Variants in KRTAP12-1 observed in about 807,000 individuals in gnomAD.
KRTAP12-1 encodes keratin associated protein 12-1, also known as keratin-associated protein 12-1.
For missense variants in KRTAP12-1, 109 were observed against 127.2 expected (o/e 0.86, Z 0.69); for synonymous variants, 56 against 58.8 (o/e 0.95, Z 0.22).
rs1986634888 is a variant in KRTAP12-1, at chr21:44,682,150, G to A, written c.-27C>T. ...GTGGCGTGTGGCTGGATAAGGTCGA[G>A]GCAGAGGGCAGTGATGTCTGGGGAT... On this transcript the variant is annotated 5_prime_UTR_variant, in exon 1 of 1. Coordinates refer to ENST00000391617, the MANE Select transcript of KRTAP12-1 (RefSeq NM_181686.2). 2 of 1,608,076 alleles carry A rather than the reference G, an allele frequency of 1.2e-6. No individual in the cohort carries two copies. Among genetic ancestry groups the A allele is most frequent in the African/African-American group, 1.3e-5 (1 of 74,906 alleles).
rs1490434722 is a variant in KRTAP12-1 at position 44,681,584 on chromosome 21, G to A, written c.*249C>T. The A allele has an allele frequency of 1.0e-5, 5 of 487,522 alleles. No homozygotes were observed. The South Asian group carries it at 2.5e-4, about 24-fold the overall frequency. The allele number at this position is 487,522 out of a possible 1,614,324, so 30.2% of individuals were successfully genotyped here. On this transcript the variant is annotated 3_prime_UTR_variant, in exon 1 of 1. Transcript: ENST00000391617. ...AGACAAGAAACGCAGAGTTGCATGG[G>A]GAAAGCTGGTTTATTTGACTCTCAT...
Position 44,681,673 on chromosome 21 carries a change from C to T in KRTAP12-1, c.*160G>A. 1.0e-6 allele frequency: 1 copy of T among 1,004,520 alleles called. No homozygotes were observed. The allele number at this position is 1,004,520 out of a possible 1,614,324, so 62.2% of individuals were successfully genotyped here. A position where few individuals can be genotyped will look rare whatever the true frequency, so the allele number is the denominator to read the frequency against. On this transcript the variant is annotated 3_prime_UTR_variant, in exon 1 of 1. Transcript: ENST00000391617. ...GGGGGATAGGCAAGTTCAGCCAGGG[C>T]TCCAGATCATTCTATTATATTCTCG... is the stretch of plus-strand genomic sequence containing the variant.
chr21:44,681,609 T>C lies in KRTAP12-1; in HGVS notation c.*224A>G, dbSNP rs1309998522. On this transcript the variant is annotated 3_prime_UTR_variant, in exon 1 of 1. Transcript: ENST00000391617. ...GGAAAGCTGGTTTATTTGACTCTCA[T>C]GGGGTCAGAGAATGACTCTGGGACC... The C allele has an allele frequency of 3.2e-5, 17 of 530,208 alleles. No homozygotes were observed. Among genetic ancestry groups the C allele is most frequent in the African/African-American group, 3.0e-4 (16 of 52,978 alleles). The allele number at this position is 530,208 out of a possible 1,614,324, so 32.8% of individuals were successfully genotyped here. A position where few individuals can be genotyped will look rare whatever the true frequency, so the allele number is the denominator to read the frequency against.
chr21:44,682,135 G>A lies in KRTAP12-1; in HGVS notation c.-12C>T. ...CTGGTGTGGCACATGGTGGCGTGTG[G>A]CTGGATAAGGTCGAGGCAGAGGGCA... On this transcript the variant is annotated 5_prime_UTR_variant, in exon 1 of 1. Coordinates refer to ENST00000391617, the MANE Select transcript of KRTAP12-1 (RefSeq NM_181686.2). The A allele has an allele frequency of 6.2e-7, 1 of 1,612,740 alleles. No homozygotes were observed. Among genetic ancestry groups the A allele is most frequent in the Non-Finnish European group, 8.5e-7 (1 of 1,179,132 alleles).
rs782349053 is a variant in KRTAP12-1 at position 44,681,824 on chromosome 21, G to A, written c.*9C>T. 2.0e-5 allele frequency: 32 copies of A among 1,603,092 alleles called. No individual in the cohort carries two copies. Among genetic ancestry groups the A allele is most frequent in the Admixed American group, 3.3e-5 (2 of 59,706 alleles). ...CTGCACTGGGAGCAGCGGGTCTGGA[G>A]ATTCATGCTCAGCAGCAGGAAGGGG... is the stretch of plus-strand genomic sequence containing the variant. On this transcript the variant is annotated 3_prime_UTR_variant, in exon 1 of 1. Coordinates refer to ENST00000391617, the MANE Select transcript of KRTAP12-1 (RefSeq NM_181686.2).
Position 44,682,059 on chromosome 21 carries a change from G to T in KRTAP12-1, c.65C>A (p.Ala22Glu). 1 of 1,614,082 alleles carries T rather than the reference G, an allele frequency of 6.2e-7. No homozygotes were observed. Among genetic ancestry groups the T allele is most frequent in the Non-Finnish European group, 8.5e-7 (1 of 1,179,952 alleles). The part of the protein sequence containing the change: ...PACCAPSPCQ[A>E]SCYIPVGCQS... ...GCAGCCCACGGGGATGTAACAGGAT[G>T]CCTGGCAGGGGCTGGGCGCGCAGCA... is the stretch of plus-strand genomic sequence containing the variant. The change falls in exon 1 of 1, where the codon GCA becomes GAA. Residue 22 changes from alanine (A) to glutamate (E), a missense_variant. Ala to Glu is a moderately radical substitution (Grantham distance 107). Coordinates refer to ENST00000391617, the MANE Select transcript of KRTAP12-1 (RefSeq NM_181686.2).
At position 44,681,815 on chromosome 21, in the gene KRTAP12-1, G is replaced by A. The variant is rs527402159; in HGVS notation, c.*18C>T. On this transcript the variant is annotated 3_prime_UTR_variant, in exon 1 of 1. Transcript: ENST00000391617. ...TGGCCTCATCTGCACTGGGAGCAGC[G>A]GGTCTGGAGATTCATGCTCAGCAGC... 8 of 1,595,384 alleles carry A rather than the reference G, an allele frequency of 5.0e-6. No individual in the cohort carries two copies. The Admixed American group carries it at 6.7e-5, about 13-fold the overall frequency.
At position 44,681,652 on chromosome 21, in the gene KRTAP12-1, G is replaced by A. The variant is rs1986595476; in HGVS notation, c.*181C>T. 3.8e-6 allele frequency: 3 copies of A among 790,642 alleles called. No individual in the cohort carries two copies. The highest frequency in any genetic ancestry group is 2.7e-5 in the East Asian group (1 of 36,660). The allele number at this position is 790,642 out of a possible 1,614,324, so 49.0% of individuals were successfully genotyped here. On this transcript the variant is annotated 3_prime_UTR_variant, in exon 1 of 1. Transcript: ENST00000391617. ...CTGGGACCCCAGACTTCCCTGGGGG[G>A]ATAGGCAAGTTCAGCCAGGGCTCCA...
Position 44,681,805 on chromosome 21 carries a change from T to C in KRTAP12-1, c.*28A>G, listed in dbSNP as rs1555948000. 1.3e-6 allele frequency: 2 copies of C among 1,587,340 alleles called. No homozygotes were observed. Among genetic ancestry groups the C allele is most frequent in the Non-Finnish European group, 1.7e-6 (2 of 1,165,010 alleles). ...TGTACAGGTGTGGCCTCATCTGCAC[T>C]GGGAGCAGCGGGTCTGGAGATTCAT... On this transcript the variant is annotated 3_prime_UTR_variant, in exon 1 of 1. Coordinates refer to ENST00000391617, the MANE Select transcript of KRTAP12-1 (RefSeq NM_181686.2).
In KRTAP12-1 at chr21:44,681,964, C is replaced by A. The variant is rs1569256605; in HGVS notation, c.160G>T (p.Val54Leu). Residue 54 changes from valine to leucine, a missense_variant, in exon 1 of 1, where the codon GTG (valine) becomes TTG (leucine). Transcript: ENST00000391617. ...GGCCTGCAGCTCACGGGCACGCACA[C>A]AGAGGACTGGCATCTCACGGGCACA... is the stretch of plus-strand genomic sequence containing the variant. ...VCVPVRCQSSVCVPVSCRPVV... is the reference protein window; with the variant it reads ...VCVPVRCQSSLCVPVSCRPVV... 1.9e-6 allele frequency: 3 copies of A among 1,613,852 alleles called. No homozygotes were observed. Among genetic ancestry groups the A allele is most frequent in the Non-Finnish European group, 2.5e-6 (3 of 1,179,780 alleles).
Position 44,681,638 on chromosome 21 carries a change from G to T in KRTAP12-1, c.*195C>A. ...GTCAGAGAATGACTCTGGGACCCCA[G>T]ACTTCCCTGGGGGGATAGGCAAGTT... On this transcript the variant is annotated 3_prime_UTR_variant, in exon 1 of 1. Coordinates refer to ENST00000391617, the MANE Select transcript of KRTAP12-1 (RefSeq NM_181686.2). 1 of 675,546 alleles carries T rather than the reference G, an allele frequency of 1.5e-6. No individual in the cohort carries two copies. Among genetic ancestry groups the T allele is most frequent in the South Asian group, 3.0e-5 (1 of 33,676 alleles). 41.8% of individuals were successfully genotyped at this position (675,546 alleles called of 1,614,324 possible). A position where few individuals can be genotyped will look rare whatever the true frequency, so the allele number is the denominator to read the frequency against.
chr21:44,681,989 A>T, the KRTAP12-1 span: 4 of 1,610,188 alleles, frequency 2.5e-6, no homozygotes, highest in Non-Finnish European at 3.4e-6. Context: ...TCACGGGCAC[A>T]CACACGGCTG....
Position 44,681,849 on chromosome 21 carries a change from G to T in KRTAP12-1, c.275C>A (p.Thr92Asn). 1 of 1,611,850 alleles carries T rather than the reference G, an allele frequency of 6.2e-7. No individual in the cohort carries two copies. Among genetic ancestry groups the T allele is most frequent in the Non-Finnish European group, 8.5e-7 (1 of 1,178,396 alleles). The change falls in exon 1 of 1, where the codon ACC (threonine) becomes AAC (asparagine). Residue 92 changes from threonine (T) to asparagine (N), a missense_variant. Transcript: ENST00000391617. ...SVLCRPISCS[T>N]PSCC ...GATTCATGCTCAGCAGCAGGAAGGGGTGCTGCAGGAGATGGGTCTGCAGAG... is the reference window on the plus strand; with the variant it reads ...GATTCATGCTCAGCAGCAGGAAGGGTTGCTGCAGGAGATGGGTCTGCAGAG...
In KRTAP12-1 at chr21:44,682,119, C is replaced by T. The variant is rs781790095; in HGVS notation, c.5G>A (p.Cys2Tyr). 8 of 1,613,340 alleles carry T rather than the reference C, an allele frequency of 5.0e-6. No homozygotes were observed. The South Asian group carries it at 8.8e-5, about 18-fold the overall frequency. The stretch of plus-strand genomic sequence containing the variant: ...GCAGCCCGAGGAGCAGCTGGTGTGG[C>T]ACATGGTGGCGTGTGGCTGGATAAG... The part of the protein sequence containing the change: M[C>Y]HTSCSSGCQP... Residue 2 changes from cysteine (C) to tyrosine (Y), a missense_variant, in exon 1 of 1, where the codon TGC (cysteine) becomes TAC (tyrosine). Cys to Tyr is a radical substitution (Grantham distance 194, BLOSUM62 -2). Transcript: ENST00000391617.
chr21:44,681,608 A>G lies in KRTAP12-1; in HGVS notation c.*225T>C. ...GGGAAAGCTGGTTTATTTGACTCTCATGGGGTCAGAGAATGACTCTGGGAC... is the reference window on the plus strand; with the variant it reads ...GGGAAAGCTGGTTTATTTGACTCTCGTGGGGTCAGAGAATGACTCTGGGAC... On this transcript the variant is annotated 3_prime_UTR_variant, in exon 1 of 1. Transcript: ENST00000391617. 1.9e-6 allele frequency: 1 copy of G among 534,138 alleles called. No individual in the cohort carries two copies. The highest frequency in any genetic ancestry group is 3.3e-6 in the Non-Finnish European group (1 of 307,124). 33.1% of individuals were successfully genotyped at this position (534,138 alleles called of 1,614,324 possible). A position where few individuals can be genotyped will look rare whatever the true frequency, so the allele number is the denominator to read the frequency against.
chr21:44,681,588 A>T lies in KRTAP12-1; in HGVS notation c.*245T>A. The T allele has an allele frequency of 2.0e-6, 1 of 490,522 alleles. No individual in the cohort carries two copies. Among genetic ancestry groups the T allele is most frequent in the South Asian group, 4.9e-5 (1 of 20,326 alleles). 30.4% of individuals were successfully genotyped at this position (490,522 alleles called of 1,614,324 possible). A position where few individuals can be genotyped will look rare whatever the true frequency, so the allele number is the denominator to read the frequency against. ...AAGAAACGCAGAGTTGCATGGGGAA[A>T]GCTGGTTTATTTGACTCTCATGGGG... On this transcript the variant is annotated 3_prime_UTR_variant, in exon 1 of 1. Transcript: ENST00000391617.
In KRTAP12-1 at chr21:44,682,151, G is replaced by A; in HGVS notation, c.-28C>T. 6.2e-7 allele frequency: 1 copy of A among 1,607,984 alleles called. No homozygotes were observed. ...TGGCGTGTGGCTGGATAAGGTCGAG[G>A]CAGAGGGCAGTGATGTCTGGGGATG... is the stretch of plus-strand genomic sequence containing the variant. On this transcript the variant is annotated 5_prime_UTR_variant, in exon 1 of 1. Coordinates refer to ENST00000391617, the MANE Select transcript of KRTAP12-1 (RefSeq NM_181686.2).
chr21:44,681,838 A>C lies in KRTAP12-1; in HGVS notation c.286T>G (p.Cys96Gly). 6.2e-7 allele frequency: 1 copy of C among 1,609,260 alleles called. No individual in the cohort carries two copies. The highest frequency in any genetic ancestry group is 1.7e-5 in the Admixed American group (1 of 59,910). The change falls in exon 1 of 1, where the codon TGC (cysteine) becomes GGC (glycine). Residue 96 changes from cysteine (C) to glycine (G), a missense_variant. Physicochemically the swap from Cys to Gly is radical, Grantham distance 159 (BLOSUM62 -3). Transcript: ENST00000391617. ...GCGGGTCTGGAGATTCATGCTCAGC[A>C]GCAGGAAGGGGTGCTGCAGGAGATG... ...RPISCSTPSCC is the reference protein window; with the variant it reads ...RPISCSTPSCG
rs374045591 is a variant in KRTAP12-1, at chr21:44,682,155, A to G, written c.-32T>C. 3.1e-4 allele frequency: 493 copies of G among 1,605,490 alleles called. No individual in the cohort carries two copies. The highest frequency in any genetic ancestry group is 4.0e-4 in the Non-Finnish European group (465 of 1,174,472). On this transcript the variant is annotated 5_prime_UTR_variant, in exon 1 of 1. Transcript: ENST00000391617. The stretch of plus-strand genomic sequence containing the variant: ...GTGTGGCTGGATAAGGTCGAGGCAG[A>G]GGGCAGTGATGTCTGGGGATGGCCT...
Sources: gnomAD v4.1 joint callset for allele counts on GRCh38, gnomAD v4.1.1 for gene constraint, MANE v1.5 for transcripts, NCBI Gene and HGNC (gene_info 2026-07-23, HGNC 2026-07-21) for gene names.